Variants in ZCCHC17 observed in about 807,000 individuals in gnomAD.
ZCCHC17 encodes zinc finger CCHC domain-containing protein 17.
Under a neutral mutation model 30.6 loss-of-function variants are expected in ZCCHC17, and 18 were observed. The ratio of observed to expected loss-of-function variants is 0.59; its 90% CI spans 0.41 to 0.87. ZCCHC17 has a LOEUF of 0.87. Among genes scored for constraint, ZCCHC17 ranks in the 40% least tolerant of loss-of-function variants. The pLI is 0.00. For synonymous variants in ZCCHC17, 88 were observed against 92.4 expected (o/e 0.95, Z 0.27); for missense variants, 263 against 284.2 (o/e 0.93, Z 0.54).
intron 7 of ZCCHC17, among the ~76,000 whole-genome samples, chr1:31,362,529 C>A (rs1469299430): frequency 1.3e-5 from 2 of 150,118 alleles, no homozygotes; most frequent in Non-Finnish European, 3.0e-5. Context: ...ACTTTGGTAG[C>A]ATGATGTGGT....
chr1:31,332,424 C>T (rs1638629506), intron 3 of ZCCHC17, among the ~76,000 whole-genome samples: 1 of 152,142 alleles, frequency 6.6e-6, no homozygotes, highest in East Asian at 1.9e-4. Context: ...TCCTGTACCC[C>T]GTTATAACTA....
intron 1 of ZCCHC17, among the ~76,000 whole-genome samples, chr1:31,299,137 A>C (rs1372284612): frequency 6.6e-6 from 1 of 152,218 alleles, no homozygotes; most frequent in African/African-American, 2.4e-5. Context: ...GTAGGTAGTG[A>C]ACCTACACAG....
intron 3 of ZCCHC17, among the ~76,000 whole-genome samples, chr1:31,332,914 G>A (rs72878242): frequency 0.093 from 14,110 of 152,100 alleles, 2,214 homozygotes; most frequent in African/African-American, 0.32. Flanking sequence ...GAGCCACCGC[G>A]CTTGGCCAAC....
intron 3 of ZCCHC17, among the ~76,000 whole-genome samples, chr1:31,335,941 C>T (rs1201233508): frequency 6.6e-6 from 1 of 151,612 alleles, no homozygotes; most frequent in African/African-American, 2.4e-5. Flanking sequence ...TTTTTTATTC[C>T]ACAGATTTAC....
Position 31,318,203 on chromosome 1 carries a change from G to C in ZCCHC17, c.67-906G>C, listed in dbSNP as rs1428593192. ...CTGAAACAGTGCTCAAGATGAAGCAGCTAATTGAAGACACTGAAAAGAATA... is the reference window on the plus strand; with the variant it reads ...CTGAAACAGTGCTCAAGATGAAGCACCTAATTGAAGACACTGAAAAGAATA... On this transcript the variant is annotated intron_variant, in intron 2 of 7. Coordinates refer to ENST00000344147, the MANE Select transcript of ZCCHC17 (RefSeq NM_016505.4). The C allele has an allele frequency of 5.2e-6, 8 of 1,535,284 alleles. No homozygotes were observed. In the East Asian group the frequency reaches 9.8e-5, roughly 19 times the overall value.
intron 3 of ZCCHC17, among the ~76,000 whole-genome samples, chr1:31,320,320 A>G (rs1646832123): frequency 6.6e-6 from 1 of 152,222 alleles, no homozygotes; most frequent in African/African-American, 2.4e-5. Flanking sequence ...TTTACTTGAG[A>G]TATGATTCAC....
intron 3 of ZCCHC17, among the ~76,000 whole-genome samples, chr1:31,334,744 CT>C (rs1366758637): frequency 6.6e-6 from 1 of 152,076 alleles, no homozygotes; most frequent in Non-Finnish European, 1.5e-5. Context: ...CACTCAATAA[CT>C]ATTTACTAAA....
intron 3 of ZCCHC17, among the ~76,000 whole-genome samples, chr1:31,330,265 G>C (rs995225889): frequency 6.6e-6 from 1 of 152,186 alleles, no homozygotes; most frequent in Non-Finnish European, 1.5e-5. Flanking sequence ...ACTCTCATGT[G>C]GTGATTGAGG....
intron 3 of ZCCHC17, 44 bp downstream of exon 3, chr1:31,319,210 C>G: frequency 6.7e-7 from 1 of 1,500,522 alleles, no homozygotes; most frequent in Non-Finnish European, 9.2e-7. Context: ...ATTCTACTCT[C>G]TGCTAACACT....
chr1:31,353,666 A>G (rs565096796), intron 7 of ZCCHC17, among the ~76,000 whole-genome samples: 57 of 152,256 alleles, frequency 3.7e-4, no homozygotes, highest in African/African-American at 1.3e-3. Flanking sequence ...ATTTTTGTAT[A>G]TGGTGTACAG....
chr1:31,345,562 A>ATATATATATATTAT (rs71035094), intron 5 of ZCCHC17, among the ~76,000 whole-genome samples: 13 of 99,824 alleles, frequency 1.3e-4, no homozygotes, highest in Admixed American at 9.4e-5. Context: ...ATATATATAT[A>ATATATATATATTAT]ATATAATATA....
intron 2 of ZCCHC17, among the ~76,000 whole-genome samples, chr1:31,311,125 A>T (rs578203486): frequency 1.3e-5 from 2 of 152,198 alleles, no homozygotes; most frequent in South Asian, 4.2e-4. Flanking sequence ...GGGTCTCACT[A>T]TGTTGCCCAG....
intron 5 of ZCCHC17, among the ~76,000 whole-genome samples, chr1:31,340,732 G>A (rs901710379): frequency 6.6e-6 from 1 of 152,156 alleles, no homozygotes; most frequent in Non-Finnish European, 1.5e-5. Context: ...ATATCACATT[G>A]TTTGTCTTAT....
chr1:31,325,099 C>T (rs541629178), intron 3 of ZCCHC17, among the ~76,000 whole-genome samples: 162 of 152,140 alleles, frequency 1.1e-3, no homozygotes, highest in African/African-American at 3.6e-3. Flanking sequence ...GTCTCCTCTC[C>T]GTCAAGGGCT....
chr1:31,326,171 G>A lies in ZCCHC17; in HGVS notation c.124+7005G>A, dbSNP rs145696469. 7.6e-3 allele frequency among the ~76,000 whole-genome samples: 1,154 copies of A among 152,128 alleles called. 13 individuals are homozygous for A. The highest frequency in any genetic ancestry group is 0.026 in the African/African-American group (1,080 of 41,478). ...ATTACTGCCTATGTTTAGAAGAAAG[G>A]CTGGAGGAATATTCAACAGATTAAC... On this transcript the variant is annotated intron_variant, in intron 3 of 7. Coordinates refer to ENST00000344147, the MANE Select transcript of ZCCHC17 (RefSeq NM_016505.4).
At chr1:31,329,832 A>G (rs1435197174) in intron 3 of ZCCHC17, among the ~76,000 whole-genome samples, 1 of 152,164 alleles carries the variant, frequency 6.6e-6, no homozygotes, top group African/African-American at 2.4e-5. Context: ...TTATCCCTGA[A>G]ATGGGAATGA....
At chr1:31,334,345 G>C (rs61780103) in intron 3 of ZCCHC17, among the ~76,000 whole-genome samples, 42,450 of 62,636 alleles carry the variant, frequency 0.68, 12,453 homozygotes, top group Non-Finnish European at 0.74. Flanking sequence ...CTCTGTGTGT[G>C]TGTGTGTGTG....
intron 3 of ZCCHC17, among the ~76,000 whole-genome samples, chr1:31,331,871 A>G (rs549999807): frequency 2.0e-5 from 3 of 152,164 alleles, no homozygotes; most frequent in African/African-American, 7.2e-5. Context: ...CAGCCTCCCA[A>G]AGTGCTGGGA....
At chr1:31,314,951 GC>G (rs1297546281) in intron 2 of ZCCHC17, among the ~76,000 whole-genome samples, 2 of 152,190 alleles carry the variant, frequency 1.3e-5, no homozygotes, top group African/African-American at 4.8e-5. Flanking sequence ...ATAGATGTGA[GC>G]CACCGCACCC....
Sources: gnomAD v4.1 joint callset for allele counts (sites outside exome capture counted in the v4.1 genomes callset) on GRCh38, gnomAD v4.1.1 for gene constraint, MANE v1.5 for transcripts, NCBI Gene and HGNC (gene_info 2026-07-23, HGNC 2026-07-21) for gene names.